The following PIAS1 variants were observed in gnomAD, a reference collection of about 807,000 sequenced individuals.
PIAS1 encodes the protein protein inhibitor of activated STAT 1, also known as E3 SUMO-protein ligase PIAS1.
A neutral mutation model predicts 71.3 loss-of-function variants in PIAS1; 6 were observed. The ratio of observed to expected loss-of-function variants is 0.08; its 90% confidence interval spans 0.05 to 0.17. PIAS1 has a LOEUF of 0.17. PIAS1 is among the 10% of genes least tolerant of loss of function. The probability of loss-of-function intolerance (pLI) is 1.00; values close to 1 mark genes in which losing one functional copy is unlikely to be tolerated. For synonymous variants in PIAS1, 303 were observed against 292.9 expected, an observed-to-expected ratio of 1.03 and a Z score of -0.35; for missense variants, 555 against 793.6, an observed-to-expected ratio of 0.70 and a Z score of 3.61.
intron 1 of PIAS1, among the ~76,000 whole-genome samples, chr15:68,056,746 A>C (rs1286754223): frequency 2.0e-5 from 3 of 151,954 alleles, no homozygotes; most frequent in African/African-American, 7.3e-5. Flanking sequence ...CGCCTACCAT[A>C]GTTATTTGAG....
rs762777425 is a variant in PIAS1, at chr15:68,145,844, CAAG to C, written c.636_638del (p.Glu212del). The C allele has an allele frequency of 1.2e-6, 2 of 1,611,224 alleles. No homozygotes were observed. The highest frequency in any genetic ancestry group is 1.3e-5 in the African/African-American group (1 of 74,936). On this transcript the variant is annotated inframe_deletion, in exon 5 of 14. Coordinates refer to ENST00000249636, the MANE Select transcript of PIAS1 (RefSeq NM_016166.3). Reference sequence around the variant, plus strand: ...TTGTTTATCAGAAACCAGTTGTCCACAAGAAGATCACTTCCCACCCAATCTTTG... The same window carrying C: ...TTGTTTATCAGAAACCAGTTGTCCACAAGATCACTTCCCACCCAATCTTTG...
intron 2 of PIAS1, among the ~76,000 whole-genome samples, chr15:68,101,330 G>GTT (rs2092423496): frequency 2.7e-5 from 2 of 75,370 alleles, no homozygotes; most frequent in African/African-American, 1.1e-4. Flanking sequence ...TCTAATTGCA[G>GTT]TGTTTTTTTT....
In PIAS1 at chr15:68,136,092, G is replaced by C. The variant is rs1266605265; in HGVS notation, c.470-5854G>C. On this transcript the variant is annotated intron_variant, in intron 2 of 13. Coordinates refer to ENST00000249636, the MANE Select transcript of PIAS1 (RefSeq NM_016166.3). ...CACTTCCCAGACGGGATGGCGGCCG[G>C]GAAGAGGCACTCCTCACTTTCCAGA... Among the ~76,000 whole-genome samples the C allele has an allele frequency of 7.0e-5, 4 of 56,812 alleles. 1 individual carries two copies. The highest frequency in any genetic ancestry group is 1.5e-4 in the African/African-American group (4 of 26,216). The allele number at this position is 56,812 out of a possible 152,430, so 37.3% of individuals were successfully genotyped here. A position where few individuals can be genotyped will look rare whatever the true frequency, so the allele number is the denominator to read the frequency against.
chr15:68,075,458 AT>A (rs888305331), intron 1 of PIAS1, among the ~76,000 whole-genome samples: 192 of 152,232 alleles, frequency 1.3e-3, no homozygotes, highest in African/African-American at 4.4e-3. Flanking sequence ...TAAAACTTAA[AT>A]TTTAATCATA....
In PIAS1 at chr15:68,190,102, C is replaced by T. The variant is rs2093112217; in HGVS notation, c.*2267C>T. The T allele has an allele frequency of 6.6e-6, 1 of 152,026 alleles. No homozygotes were observed. Among genetic ancestry groups the T allele is most frequent in the African/African-American group, 2.4e-5 (1 of 41,388 alleles). 9.4% of individuals were successfully genotyped at this position (152,026 alleles called of 1,614,324 possible). A position where few individuals can be genotyped will look rare whatever the true frequency, so the allele number is the denominator to read the frequency against. On this transcript the variant is annotated 3_prime_UTR_variant, in exon 14 of 14. Coordinates refer to ENST00000249636, the MANE Select transcript of PIAS1 (RefSeq NM_016166.3). This position sits in a 1 kb window ranked among gnomAD's most constrained non-coding sequence, Gnocchi z 4.7. ...TGAATTACAAACCGTTTGAATGATCCAGTTGAAAACGTATCCCTCTACTTT... is the reference window on the plus strand; with the variant it reads ...TGAATTACAAACCGTTTGAATGATCTAGTTGAAAACGTATCCCTCTACTTT...
At chr15:68,079,391 C>T (rs1287066246) in intron 1 of PIAS1, among the ~76,000 whole-genome samples, 2 of 152,172 alleles carry the variant, frequency 1.3e-5, no homozygotes, top group Non-Finnish European at 1.5e-5. Context: ...TTTCCCACCT[C>T]TGCATAAGAA....
chr15:68,165,991 T>G (rs1033447251), intron 8 of PIAS1, among the ~76,000 whole-genome samples: 1 of 152,132 alleles, frequency 6.6e-6, no homozygotes, highest in African/African-American at 2.4e-5. Context: ...AAACAAAGAA[T>G]TTAAATAGAA....
intron 6 of PIAS1, among the ~76,000 whole-genome samples, chr15:68,152,992 C>T (rs183058088): frequency 1.3e-5 from 2 of 150,846 alleles, no homozygotes; most frequent in Admixed American, 1.3e-4. Context: ...TTTGCCAAAC[C>T]AGCAGCTTCT....
At chr15:68,151,939 AT>A (rs1201017658) in intron 6 of PIAS1, among the ~76,000 whole-genome samples, 5 of 68,188 alleles carry the variant, frequency 7.3e-5, no homozygotes, top group Admixed American at 5.5e-4. Context: ...AAATTTAGGA[AT>A]TTTTTTTTTT....
At chr15:68,143,843 T>C (rs2092788965) in intron 4 of PIAS1, among the ~76,000 whole-genome samples, 1 of 152,118 alleles carries the variant, frequency 6.6e-6, no homozygotes, top group South Asian at 2.1e-4. Context: ...GTGGGGCTTC[T>C]TTTATCTCTT....
intron 2 of PIAS1, among the ~76,000 whole-genome samples, chr15:68,100,027 T>C (rs191962904): frequency 1.3e-5 from 2 of 152,052 alleles, no homozygotes; most frequent in East Asian, 3.9e-4. Flanking sequence ...TTGCATATTG[T>C]AGATACTAGT....
intron 8 of PIAS1, among the ~76,000 whole-genome samples, chr15:68,165,693 CA>C (rs2092953244): frequency 6.6e-6 from 1 of 151,988 alleles, no homozygotes; most frequent in African/African-American, 2.4e-5. Context: ...GAAAAGGTCT[CA>C]AAAAAATGTT....
intron 1 of PIAS1, among the ~76,000 whole-genome samples, chr15:68,076,966 G>A (rs1055251049): frequency 2.0e-5 from 3 of 152,004 alleles, no homozygotes; most frequent in Non-Finnish European, 2.9e-5. Flanking sequence ...TTTCAAAAGG[G>A]GTTTGAAAGG....
At chr15:68,182,074 GA>G (rs1272177098) in intron 12 of PIAS1, among the ~76,000 whole-genome samples, 1 of 152,112 alleles carries the variant, frequency 6.6e-6, no homozygotes, top group Non-Finnish European at 1.5e-5. Context: ...TGAGACATTT[GA>G]AAGTTTTAGT....
rs537373185 is a variant in PIAS1, at chr15:68,191,743, A to C, written c.*3908A>C. 2 of 152,386 alleles carry C rather than the reference A, an allele frequency of 1.3e-5. No individual in the cohort carries two copies. Among genetic ancestry groups the C allele is most frequent in the South Asian group, 4.1e-4 (2 of 4,832 alleles). The allele number at this position is 152,386 out of a possible 1,614,324, so 9.4% of individuals were successfully genotyped here. ...GCACCGTGGCCTTCTTGTAAACAAC[A>C]CTAGGTGCTAGAGAAACCAGCTGGA... On this transcript the variant is annotated 3_prime_UTR_variant, in exon 14 of 14. Coordinates refer to ENST00000249636, the MANE Select transcript of PIAS1 (RefSeq NM_016166.3).
chr15:68,068,555 T>C (rs931189058), intron 1 of PIAS1, among the ~76,000 whole-genome samples: 5 of 150,930 alleles, frequency 3.3e-5, no homozygotes, highest in African/African-American at 1.2e-4. Context: ...TGGGTTCAAG[T>C]GATTCTCCAC....
intron 1 of PIAS1, among the ~76,000 whole-genome samples, chr15:68,084,632 T>C (rs1328770941): frequency 6.6e-6 from 1 of 152,204 alleles, no homozygotes; most frequent in Admixed American, 6.5e-5. Flanking sequence ...CCTCCCACCC[T>C]TTCTTCTGGT....
chr15:68,117,991 G>A (rs1381800494), intron 2 of PIAS1, among the ~76,000 whole-genome samples: 1 of 152,114 alleles, frequency 6.6e-6, no homozygotes, highest in Non-Finnish European at 1.5e-5. Context: ...AGGGTTCCCT[G>A]TTCTCCTTAT....
At chr15:68,064,131 T>TTCA (rs1310019302) in intron 1 of PIAS1, among the ~76,000 whole-genome samples, 55 of 152,324 alleles carry the variant, frequency 3.6e-4, no homozygotes, top group Middle Eastern at 3.4e-3. Context: ...ATACCATTTT[T>TTCA]ACTTGAAAAA....
Sources: allele counts gnomAD v4.1 joint callset (sites outside exome capture counted in the v4.1 genomes callset), GRCh38; gene constraint gnomAD v4.1.1; non-coding constraint Gnocchi (gnomAD v3.1); transcripts MANE v1.5; gene names NCBI Gene and HGNC (gene_info 2026-07-23, HGNC 2026-07-21).